The following DCAF6 variants were observed in gnomAD, a reference collection of about 807,000 sequenced individuals.
DCAF6 encodes the protein DDB1- and CUL4-associated factor 6.
In DCAF6, 54 loss-of-function variants were observed where a neutral mutation model predicts 125.1. That is an observed-to-expected ratio of 0.43 (90% CI 0.35 to 0.54). DCAF6 has a LOEUF of 0.54. Among genes scored for constraint, DCAF6 ranks in the 20% least tolerant of loss-of-function variants. DCAF6 has a pLI of 0.01. For missense variants in DCAF6, 934 were observed against 1,161.7 expected, an observed-to-expected ratio of 0.80 and a Z score of 2.85; for synonymous variants, 371 against 390.4, an observed-to-expected ratio of 0.95 and a Z score of 0.58.
At chr1:167,893,723 A>C in the DCAF6 span, 66 of 489,142 alleles carry the variant, frequency 1.3e-4, no homozygotes, top group Non-Finnish European at 2.4e-4. Context: ...AAAAAAAGGA[A>C]GTCTTTTTAT....
the DCAF6 span, among the ~76,000 whole-genome samples, chr1:167,863,649 C>G: frequency 1.3e-5 from 2 of 152,342 alleles, no homozygotes; most frequent in Admixed American, 1.3e-4. Flanking sequence ...TTAGCCTGCC[C>G]TGTGGAACAT....
In DCAF6 at chr1:167,967,609, C is replaced by T. The variant is rs116025282; in HGVS notation, c.252+888C>T. ...TTTGTAAGATCTTAAACATTCAACACATCATTTAAAGTTCCAGTTAAGAAT... is the reference window on the plus strand; with the variant it reads ...TTTGTAAGATCTTAAACATTCAACATATCATTTAAAGTTCCAGTTAAGAAT... On this transcript the variant is annotated intron_variant, in intron 3 of 21. Transcript: ENST00000367840. Among the ~76,000 whole-genome samples, 433 of 150,436 alleles carry T rather than the reference C, an allele frequency of 2.9e-3. 2 individuals carry two copies. Among genetic ancestry groups the T allele is most frequent in the African/African-American group, 0.01 (422 of 41,234 alleles).
chr1:167,980,386 A>G (rs562675469), intron 4 of DCAF6, among the ~76,000 whole-genome samples: 7 of 148,966 alleles, frequency 4.7e-5, no homozygotes, highest in African/African-American at 1.8e-4. Context: ...TAAGTTTTTG[A>G]GGACCCTCCA....
chr1:167,962,098 T>C (rs2102795805), intron 2 of DCAF6, among the ~76,000 whole-genome samples: 1 of 152,330 alleles, frequency 6.6e-6, no homozygotes, highest in Non-Finnish European at 1.5e-5. Flanking sequence ...ATAAAGTGTA[T>C]TTTAAGGCCT....
At chr1:167,995,774 C>T (rs549835732) in intron 7 of DCAF6, among the ~76,000 whole-genome samples, 1 of 151,846 alleles carries the variant, frequency 6.6e-6, no homozygotes, top group Admixed American at 6.6e-5. Context: ...AATTCTGACA[C>T]ATTTTGGTGT....
At chr1:167,935,862 C>T, upstream of DCAF6, 2 of 1,536,900 alleles carry the variant, frequency 1.3e-6, no homozygotes, top group Non-Finnish European at 1.8e-6. Flanking sequence ...GGATCGTTGG[C>T]AGCCGGGTGG....
At position 167,968,034 on chromosome 1, in the gene DCAF6, A is replaced by G. The variant is rs1355831980; in HGVS notation, c.252+1313A>G. Among the ~76,000 whole-genome samples, 4 of 152,118 alleles carry G rather than the reference A, an allele frequency of 2.6e-5. No individual in the cohort carries two copies. The East Asian group carries it at 7.7e-4, about 29-fold the overall frequency. ...GCATGAGCCACCACGCCCAGCCCAAATTTCTTGTATCTTTAAGTCTTTTAA... is the reference window on the plus strand; with the variant it reads ...GCATGAGCCACCACGCCCAGCCCAAGTTTCTTGTATCTTTAAGTCTTTTAA... On this transcript the variant is annotated intron_variant, in intron 3 of 21. Transcript: ENST00000367840.
In DCAF6 at chr1:168,015,869, G is replaced by A; in HGVS notation, c.1467G>A (p.Glu489=). The change falls in exon 11 of 22, where the codon GAG becomes GAA. Residue 489 remains glutamate (E), a synonymous_variant. Transcript: ENST00000367840. The stretch of plus-strand genomic sequence containing the variant: ...AGGCTGAGCAGCAGAGGCAGCAAGA[G>A]CTAGCTGCACATACCCAGCAACAGC... ...LKKAEQQRQQ[E]LAAHTQQQPS... 6 of 1,543,658 alleles carry A rather than the reference G, an allele frequency of 3.9e-6. No homozygotes were observed. Among genetic ancestry groups the A allele is most frequent in the Non-Finnish European group, 5.2e-6 (6 of 1,143,550 alleles).
chr1:168,003,686 T>C (rs1018826995), intron 8 of DCAF6, among the ~76,000 whole-genome samples, 184 bp from the exon 9 acceptor site: 7 of 152,172 alleles, frequency 4.6e-5, no homozygotes, highest in South Asian at 2.1e-4. Flanking sequence ...GTCACTGATA[T>C]AAACAATTAC....
chr1:168,061,379 A>G (rs1291469849), intron 17 of DCAF6, among the ~76,000 whole-genome samples: 1 of 152,218 alleles, frequency 6.6e-6, no homozygotes, highest in Non-Finnish European at 1.5e-5. Context: ...TAATTGTTAC[A>G]TAATTATTTT....
intron 2 of DCAF6, among the ~76,000 whole-genome samples, chr1:167,953,693 G>A (rs144640667): frequency 0.013 from 1,939 of 152,128 alleles, 15 homozygotes; most frequent in Non-Finnish European, 0.019. Flanking sequence ...TCCGTCTCCC[G>A]GGTTCAAGCA....
intron 12 of DCAF6, among the ~76,000 whole-genome samples, chr1:168,028,140 G>A (rs1309973875): frequency 6.6e-6 from 1 of 151,976 alleles, no homozygotes; most frequent in African/African-American, 2.4e-5. Context: ...TTAATGGGTA[G>A]TTTTAGTTTT....
chr1:167,901,608 G>C, the DCAF6 span: 774 of 1,556,406 alleles, frequency 5.0e-4, 3 homozygotes, highest in African/African-American at 9.5e-3. Flanking sequence ...GATGCCCCAG[G>C]AGTCAAGACC....
chr1:168,039,687 T>C (rs1301152243), intron 13 of DCAF6, among the ~76,000 whole-genome samples: 3 of 144,534 alleles, frequency 2.1e-5, no homozygotes, highest in African/African-American at 7.9e-5. Context: ...TATATTAATA[T>C]ATTAAATATT....
chr1:167,952,400 T>C (rs1674103739), intron 2 of DCAF6, among the ~76,000 whole-genome samples: 1 of 152,054 alleles, frequency 6.6e-6, no homozygotes, highest in African/African-American at 2.4e-5. Context: ...TTGTATTTTT[T>C]AGTAGAGACA....
At chr1:167,970,304 T>TA (rs1197779818) in intron 3 of DCAF6, among the ~76,000 whole-genome samples, 1 of 152,250 alleles carries the variant, frequency 6.6e-6, no homozygotes, top group Non-Finnish European at 1.5e-5. Context: ...GAAAAAATGA[T>TA]ACTCTTTCTC....
the DCAF6 span, chr1:167,883,392 A>C: frequency 6.3e-7 from 1 of 1,599,082 alleles, no homozygotes; most frequent in Non-Finnish European, 8.6e-7. Flanking sequence ...CATGAATGCT[A>C]ACCTAAAACT....
At chr1:168,027,216 A>G (rs1198749189) in intron 12 of DCAF6, among the ~76,000 whole-genome samples, 1 of 152,138 alleles carries the variant, frequency 6.6e-6, no homozygotes, top group Non-Finnish European at 1.5e-5. Context: ...GGAAAAAGGT[A>G]GAGACTTTGT....
intron 2 of DCAF6, among the ~76,000 whole-genome samples, chr1:167,953,489 C>A (rs1186508101): frequency 6.6e-6 from 1 of 152,166 alleles, no homozygotes; most frequent in East Asian, 1.9e-4. Flanking sequence ...CAAAAAAATA[C>A]CTTCACAAAT....
Sources: allele counts gnomAD v4.1 joint callset (sites outside exome capture counted in the v4.1 genomes callset), GRCh38; gene constraint gnomAD v4.1.1; transcripts MANE v1.5; gene names NCBI Gene and HGNC (gene_info 2026-07-23, HGNC 2026-07-21).